The following BFSP2 variants were observed in gnomAD, a reference collection of about 807,000 sequenced individuals.
BFSP2 encodes the protein beaded filament structural protein 2.
A neutral mutation model predicts 44.9 loss-of-function variants in BFSP2; 38 were observed. The ratio of observed to expected loss-of-function variants is 0.85; its 90% CI spans 0.65 to 1.11. The LOEUF is 1.11. BFSP2 is among the 50% of genes least tolerant of loss of function. BFSP2 has a pLI of 0.00. For synonymous variants in BFSP2, 197 were observed against 209.9 expected, an observed-to-expected ratio of 0.94 and a Z score of 0.53; for missense variants, 525 against 533.0, an observed-to-expected ratio of 0.99 and a Z score of 0.15.
chr3:133,441,134 G>A (rs921734650), intron 1 of BFSP2, among the ~76,000 whole-genome samples: 1 of 149,968 alleles, frequency 6.7e-6, no homozygotes, highest in Non-Finnish European at 1.5e-5. Flanking sequence ...CCGCCTCCCA[G>A]GTTCAAGCAA....
At chr3:133,472,248 C>G in intron 5 of BFSP2, 97 bp from the exon 6 acceptor site, 1 of 1,346,150 alleles carries the variant, frequency 7.4e-7, no homozygotes, top group Non-Finnish European at 1.0e-6. Flanking sequence ...GGGAATAGTC[C>G]AGGCTACCAC....
In BFSP2 at chr3:133,472,352, G is replaced by A. The variant is rs563231215; in HGVS notation, c.1031G>A (p.Gly344Asp). The change falls in exon 6 of 7, where the codon GGC becomes GAC. Residue 344 changes from glycine (G) to aspartate (D), a missense_variant. Coordinates refer to ENST00000302334, the MANE Select transcript of BFSP2 (RefSeq NM_003571.4). The part of the protein sequence containing the change: ...ETESLRALKR[G>D]LENTLHDAKH... ...GGGTTCGCTCTTTTGTAGAAACGAG[G>A]CCTGGAGAACACCTTGCACGATGCC... 3 of 1,611,874 alleles carry A rather than the reference G, an allele frequency of 1.9e-6. No homozygotes were observed. The highest frequency in any genetic ancestry group is 2.5e-6 in the Non-Finnish European group (3 of 1,179,926).
chr3:133,422,381 T>C (rs1228439571), intron 1 of BFSP2, among the ~76,000 whole-genome samples: 3 of 152,060 alleles, frequency 2.0e-5, no homozygotes, highest in Admixed American at 6.5e-5. Flanking sequence ...TTCTGGTAGG[T>C]AGATGAGATG....
intron 1 of BFSP2, among the ~76,000 whole-genome samples, chr3:133,420,027 A>G (rs560225208): frequency 4.6e-5 from 7 of 152,270 alleles, no homozygotes. Flanking sequence ...TCTCACCACC[A>G]CCTAGCCCAG....
chr3:133,416,354 GTCCCCTCTACTCATGCCTGCCCTC>G (rs2073529167), intron 1 of BFSP2, among the ~76,000 whole-genome samples: 2 of 51,998 alleles, frequency 3.8e-5, no homozygotes, highest in African/African-American at 8.3e-5. Context: ...CCCCTGTCCT[GTCCCCTCTACTCATGCCTGCCCTC>G]TCCCCTCTAC....
At chr3:133,470,971 G>A (rs1425657055) in intron 5 of BFSP2, among the ~76,000 whole-genome samples, 1 of 152,148 alleles carries the variant, frequency 6.6e-6, no homozygotes, top group Non-Finnish European at 1.5e-5. Flanking sequence ...AGTGAGGTGA[G>A]GATGCTGGAA....
intron 1 of BFSP2, among the ~76,000 whole-genome samples, chr3:133,440,137 G>A (rs1273609553): frequency 6.6e-6 from 1 of 152,196 alleles, no homozygotes; most frequent in Non-Finnish European, 1.5e-5. Context: ...AAGAGACCAT[G>A]TGCAGGGGAA....
rs771279738 is a variant in BFSP2 at position 133,466,831 on chromosome 3, C to A, written c.895C>A (p.Gln299Lys). The change falls in exon 5 of 7, where the codon CAG (glutamine) becomes AAG (lysine). Residue 299 changes from glutamine to lysine, a missense_variant. Gln to Lys is a moderately conservative substitution (Grantham distance 53). Transcript: ENST00000302334. Reference protein sequence around the residue: ...EAGALLQAKQQAEVAHMSQTQ... With the variant: ...EAGALLQAKQKAEVAHMSQTQ... ...ACTGAGACCTGACTCTCCACAGCAA[C>A]AGGCGGAGGTGGCCCACATGTCCCA... 6.2e-7 allele frequency: 1 copy of A among 1,613,628 alleles called. No homozygotes were observed. Among genetic ancestry groups the A allele is most frequent in the Non-Finnish European group, 8.5e-7 (1 of 1,179,972 alleles).
intron 3 of BFSP2, among the ~76,000 whole-genome samples, chr3:133,449,982 A>AAAGAAGGAAAGG (rs1553782756): frequency 8.1e-5 from 7 of 86,284 alleles, no homozygotes; most frequent in Non-Finnish European, 1.6e-4. Flanking sequence ...GGAAAGAAGG[A>AAAGAAGGAAAGG]AAGGAAGGAA....
At chr3:133,426,589 A>G (rs1258148772) in intron 1 of BFSP2, among the ~76,000 whole-genome samples, 2 of 152,234 alleles carry the variant, frequency 1.3e-5, no homozygotes, top group Non-Finnish European at 2.9e-5. Flanking sequence ...GATTCCAAAA[A>G]GCAAAGGGTC....
chr3:133,435,479 T>A (rs1010951855), intron 1 of BFSP2, among the ~76,000 whole-genome samples: 5 of 152,234 alleles, frequency 3.3e-5, no homozygotes. Flanking sequence ...CTATGTTTCA[T>A]CTCTTGTTAC....
chr3:133,447,454 A>T, intron 2 of BFSP2, 55 bp downstream of exon 2: 1 of 1,548,826 alleles, frequency 6.5e-7, no homozygotes, highest in Non-Finnish European at 8.9e-7. Context: ...CTCCTAGGCA[A>T]GTGTGGATAA....
intron 6 of BFSP2, among the ~76,000 whole-genome samples, chr3:133,474,276 T>A (rs184240684): frequency 2.4e-4 from 36 of 152,324 alleles, no homozygotes; most frequent in African/African-American, 7.9e-4. Context: ...GATTGTATCA[T>A]CCAACCCCTC....
chr3:133,472,609 A>G lies in BFSP2; in HGVS notation c.1244+44A>G, dbSNP rs7628499. 0.71 allele frequency: 1,115,317 copies of G among 1,580,712 alleles called. 397,418 individuals carry two copies. Among genetic ancestry groups the G allele is most frequent in the South Asian group, 0.77 (67,377 of 88,042 alleles). On this transcript the variant is annotated intron_variant, in intron 6 of 6. Coordinates refer to ENST00000302334, the MANE Select transcript of BFSP2 (RefSeq NM_003571.4). Reference sequence around the variant, plus strand: ...TCAATTATCCAAGAGATGCATATTCATGGCTTTAAAAATAATTATTTTCCA... The same window carrying G: ...TCAATTATCCAAGAGATGCATATTCGTGGCTTTAAAAATAATTATTTTCCA...
chr3:133,412,491 G>A (rs760095438), intron 1 of BFSP2: 1 of 152,270 alleles, frequency 6.6e-6, no homozygotes, highest in African/African-American at 2.4e-5. Context: ...AAAGAGCAGG[G>A]TATTGATTAG....
At chr3:133,434,357 A>C (rs2073759640) in intron 1 of BFSP2, among the ~76,000 whole-genome samples, 1 of 151,894 alleles carries the variant, frequency 6.6e-6, no homozygotes, top group Admixed American at 6.6e-5. Context: ...TACCACAAAA[A>C]TCTTCCTTCA....
chr3:133,441,623 T>C (rs1417271650), intron 1 of BFSP2, among the ~76,000 whole-genome samples: 1 of 152,114 alleles, frequency 6.6e-6, no homozygotes, highest in African/African-American at 2.4e-5. Context: ...TCTTCCCTGC[T>C]TGGGTTCTCC....
At chr3:133,474,578 G>A (rs918256681) in intron 6 of BFSP2, among the ~76,000 whole-genome samples, 1 of 152,054 alleles carries the variant, frequency 6.6e-6, no homozygotes, top group African/African-American at 2.4e-5. Flanking sequence ...AGATGCCTAT[G>A]AGCATCTGTA....
intron 5 of BFSP2, among the ~76,000 whole-genome samples, chr3:133,469,997 C>T (rs1319081358): frequency 6.8e-6 from 1 of 147,332 alleles, no homozygotes; most frequent in African/African-American, 2.4e-5. Flanking sequence ...ATGTCAACAA[C>T]AACTAGTCAC....
Sources: gnomAD v4.1 joint callset for allele counts (sites outside exome capture counted in the v4.1 genomes callset) on GRCh38, gnomAD v4.1.1 for gene constraint, MANE v1.5 for transcripts, NCBI Gene and HGNC (gene_info 2026-07-23, HGNC 2026-07-21) for gene names.